Variants in OR4E2 observed in about 807,000 individuals in gnomAD.
OR4E2 encodes olfactory receptor 4E2.
OR4E2 carries 9 observed loss-of-function variants against 11.0 expected under a neutral mutation model. The observed-to-expected ratio is 0.82, with a 90% CI of 0.49 to 1.43. The LOEUF (loss-of-function observed/expected upper bound fraction) is 1.43. OR4E2 is among the 40% of genes most tolerant of loss of function. OR4E2 has a pLI of 0.00. For missense variants in OR4E2, 441 were observed against 382.0 expected, an observed-to-expected ratio of 1.15 and a Z score of -1.29; for synonymous variants, 159 against 147.3, an observed-to-expected ratio of 1.08 and a Z score of -0.57.
rs765806561 is a variant in OR4E2, at chr14:21,665,485, G to A, written c.403G>A (p.Val135Met). 4.3e-6 allele frequency: 7 copies of A among 1,614,026 alleles called. No homozygotes were observed. Among genetic ancestry groups the A allele is most frequent in the Non-Finnish European group, 5.9e-6 (7 of 1,180,046 alleles). The change falls in exon 4 of 4, where the codon GTG becomes ATG. Residue 135 changes from valine (V) to methionine (M), a missense_variant. By Grantham distance (21) the Val-to-Met change is conservative. Coordinates refer to ENST00000641524, the MANE Select transcript of OR4E2 (RefSeq NM_001001912.3). ...AICTPLHYPN[V>M]MNMRVCIQLV... The stretch of plus-strand genomic sequence containing the variant: ...CTGCACTCCACTCCACTACCCCAAT[G>A]TGATGAACATGAGAGTCTGTATACA...
At position 21,665,405 on chromosome 14, in the gene OR4E2, C is replaced by T. The variant is rs888475547; in HGVS notation, c.323C>T (p.Ala108Val). The T allele has an allele frequency of 6.2e-6, 10 of 1,613,994 alleles. No homozygotes were observed. In the African/African-American group the frequency reaches 9.3e-5, roughly 15 times the overall value. ...ITQLFFLHLF[A>V]CAEIFLLIIM... is the part of the protein sequence containing the mutation. ...CAGCTCTTCTTCCTACATCTCTTTG[C>T]CTGTGCCGAGATCTTTCTGCTGATC... Residue 108 changes from alanine (A) to valine (V), a missense_variant, in exon 4 of 4, where the codon GCC becomes GTC. By Grantham distance (64) the Ala-to-Val change is moderately conservative. Transcript: ENST00000641524.
Position 21,665,914 on chromosome 14 carries a change from G to A in OR4E2, c.832G>A (p.Val278Ile), listed in dbSNP as rs763815002. Residue 278 changes from valine (V) to isoleucine (I), a missense_variant, in exon 4 of 4, where the codon GTC (valine) becomes ATC (isoleucine). By Grantham distance (29) the Val-to-Ile change is conservative. Transcript: ENST00000641524. ...GGTGGTGTCTGTCTTCTACACAGTG[G>A]TCACCCCTTTGCTGAATCCCTTCAT... Reference protein sequence around the residue: ...DKVVSVFYTVVTPLLNPFIYT... With the variant: ...DKVVSVFYTVITPLLNPFIYT... 1.1e-5 allele frequency: 17 copies of A among 1,612,890 alleles called. No individual in the cohort carries two copies. The highest frequency in any genetic ancestry group is 1.4e-5 in the Non-Finnish European group (17 of 1,179,606).
chr14:21,663,987 T>C (rs1175674339), intron 3 of OR4E2, among the ~76,000 whole-genome samples: 1 of 152,268 alleles, frequency 6.6e-6, no homozygotes, highest in African/African-American at 2.4e-5. Flanking sequence ...CACATTTTCT[T>C]TATTCATTCT....
rs12717305 is a variant in OR4E2, at chr14:21,665,202, G to A, written c.120G>A (p.Ser40=). 0.52 allele frequency: 832,154 copies of A among 1,613,280 alleles called. 217,175 individuals are homozygous for A. Among genetic ancestry groups the A allele is most frequent in the South Asian group, 0.69 (62,737 of 91,056 alleles). ...CAGCCATTTATATGCTAACGCTTTC[G>A]GGGAACATTCTCATCATCATTGCCA... The part of the protein sequence containing the change: ...AFSAIYMLTL[S]GNILIIIATV... Residue 40 remains serine (S), a synonymous_variant, in exon 4 of 4, where the codon TCG becomes TCA. Coordinates refer to ENST00000641524, the MANE Select transcript of OR4E2 (RefSeq NM_001001912.3).
At chr14:21,663,772 T>G (rs1212264731) in intron 3 of OR4E2, among the ~76,000 whole-genome samples, 2 of 152,170 alleles carry the variant, frequency 1.3e-5, no homozygotes, top group Non-Finnish European at 2.9e-5. Context: ...CGTCAGGTAT[T>G]AAGCCCAGAC....
At chr14:21,657,440 T>TTTCCTTCCTTCCTTCCTTCC (rs555201549) in intron 2 of OR4E2, among the ~76,000 whole-genome samples, 9 of 76,286 alleles carry the variant, frequency 1.2e-4, no homozygotes, top group Admixed American at 1.1e-3. Context: ...TTCTTCTTTC[T>TTTCCTTCCTTCCTTCCTTCC]TTCCTTCCTT....
intron 1 of OR4E2, among the ~76,000 whole-genome samples, chr14:21,654,263 T>C (rs1471917719): frequency 1.3e-5 from 2 of 152,124 alleles, no homozygotes; most frequent in Non-Finnish European, 2.9e-5. Context: ...GTGGTCTTCC[T>C]AAACTTCACC....
At position 21,665,943 on chromosome 14, in the gene OR4E2, C is replaced by T. The variant is rs368875270; in HGVS notation, c.861C>T (p.Tyr287=). Residue 287 remains tyrosine (Y), a synonymous_variant, in exon 4 of 4, where the codon TAC becomes TAT. Transcript: ENST00000641524. The part of the protein sequence containing the change: ...VVTPLLNPFI[Y]TLRNEEVKSA... ...CCCCTTTGCTGAATCCCTTCATTTACACCTTGAGGAATGAGGAGGTAAAAA... is the reference window on the plus strand; with the variant it reads ...CCCCTTTGCTGAATCCCTTCATTTATACCTTGAGGAATGAGGAGGTAAAAA... 5.0e-6 allele frequency: 8 copies of T among 1,613,820 alleles called. No homozygotes were observed. In the African/African-American group the frequency reaches 5.3e-5, roughly 11 times the overall value.
intron 2 of OR4E2, among the ~76,000 whole-genome samples, chr14:21,657,446 TCC>T: frequency 1.4e-4 from 2 of 13,820 alleles, no homozygotes; most frequent in African/African-American, 6.8e-4. Flanking sequence ...TTTCTTTCCT[TCC>T]TTCCTTCCTT....
At chr14:21,662,840 CAT>C (rs1335318365) in intron 3 of OR4E2, among the ~76,000 whole-genome samples, 1 of 151,886 alleles carries the variant, frequency 6.6e-6, no homozygotes, top group Non-Finnish European at 1.5e-5. Flanking sequence ...TAGCTTTTTT[CAT>C]AGTTTGAATG....
intron 3 of OR4E2, among the ~76,000 whole-genome samples, chr14:21,663,063 T>C (rs1880422950): frequency 6.6e-6 from 1 of 152,202 alleles, no homozygotes; most frequent in South Asian, 2.1e-4. Context: ...AAGGCTTGAG[T>C]TCTTTTTCAG....
intron 2 of OR4E2, among the ~76,000 whole-genome samples, chr14:21,657,500 CTTCCTTCT>C (rs1357743180): frequency 1.5e-4 from 10 of 64,718 alleles, no homozygotes; most frequent in African/African-American, 4.5e-4. Flanking sequence ...TCCTTCCTTC[CTTCCTTCT>C]TTCTTTGTTT....
rs187676161 is a variant in OR4E2 at position 21,661,737 on chromosome 14, T to C, written c.-9+991T>C. On this transcript the variant is annotated intron_variant, in intron 3 of 3. Coordinates refer to ENST00000641524, the MANE Select transcript of OR4E2 (RefSeq NM_001001912.3). ...TTATTATTCTTAATAGCTCATAATA[T>C]TCCATACTGTGGCTGTACTAAAATG... Among the ~76,000 whole-genome samples the C allele has an allele frequency of 6.2e-4, 95 of 152,370 alleles. 1 individual carries two copies. In the East Asian group the frequency reaches 0.015, roughly 24 times the overall value.
In OR4E2 at chr14:21,665,171, C is replaced by A; in HGVS notation, c.89C>A (p.Ala30Glu). ...GTGCTGGAAATGCTGTTTTTCATGG[C>A]ATTCTCAGCCATTTATATGCTAACG... ...NRVLEMLFFMAFSAIYMLTLS... is the reference protein window; with the variant it reads ...NRVLEMLFFMEFSAIYMLTLS... Residue 30 changes from alanine to glutamate, a missense_variant, in exon 4 of 4, where the codon GCA becomes GAA. Ala to Glu is a moderately radical substitution (Grantham distance 107, BLOSUM62 -1). Transcript: ENST00000641524. 6.2e-7 allele frequency: 1 copy of A among 1,613,762 alleles called. No homozygotes were observed. The highest frequency in any genetic ancestry group is 1.1e-5 in the South Asian group (1 of 91,064).
Position 21,665,297 on chromosome 14 carries a change from G to A in OR4E2, c.215G>A (p.Cys72Tyr), listed in dbSNP as rs746733711. 1 of 1,614,002 alleles carries A rather than the reference G, an allele frequency of 6.2e-7. No homozygotes were observed. Among genetic ancestry groups the A allele is most frequent in the African/African-American group, 1.3e-5 (1 of 75,006 alleles). Residue 72 changes from cysteine to tyrosine, a missense_variant, in exon 4 of 4, where the codon TGC (cysteine) becomes TAC (tyrosine). Physicochemically the swap from Cys to Tyr is radical, Grantham distance 194. Transcript: ENST00000641524. ...AGCAATCTGTCCTTTATTGACATCT[G>A]CCACTCATCTGTCACTGTGCCTAAG... is the stretch of plus-strand genomic sequence containing the variant. ...FLSNLSFIDI[C>Y]HSSVTVPKML...
rs1375020695 is a variant in OR4E2, at chr14:21,665,059, T to C, written c.-8-16T>C. On this transcript the variant is annotated splice_polypyrimidine_tract_variant and intron_variant, in intron 3 of 3. Transcript: ENST00000641524. ...AATAATAAAACTAAATTAGCTTTCATTTTTTCCCCCCTAAGCTCATTGAAT... is the reference window on the plus strand; with the variant it reads ...AATAATAAAACTAAATTAGCTTTCACTTTTTCCCCCCTAAGCTCATTGAAT... 6 of 1,351,676 alleles carry C rather than the reference T, an allele frequency of 4.4e-6. No homozygotes were observed. Among genetic ancestry groups the C allele is most frequent in the Non-Finnish European group, 6.1e-6 (6 of 976,994 alleles). The allele number at this position is 1,351,676 out of a possible 1,614,324, so 83.7% of individuals were successfully genotyped here.
chr14:21,663,650 G>C (rs1189024302), intron 3 of OR4E2, among the ~76,000 whole-genome samples: 3 of 152,170 alleles, frequency 2.0e-5, no homozygotes. Flanking sequence ...CAAAGACAAA[G>C]TGAAGGATGA....
chr14:21,657,337 GCTTCCTTCCTTCCTTCCTTCCTTC>G lies in OR4E2; in HGVS notation c.-103+776_-103+799del, dbSNP rs544921356. Among the ~76,000 whole-genome samples, 221 of 112,492 alleles carry G rather than the reference GCTTCCTTCCTTCCTTCCTTCCTTC, an allele frequency of 2.0e-3. 2 individuals carry two copies. Among genetic ancestry groups the G allele is most frequent in the African/African-American group, 7.3e-3 (215 of 29,448 alleles). The allele number at this position is 112,492 out of a possible 152,430, so 73.8% of individuals were successfully genotyped here. A position where few individuals can be genotyped will look rare whatever the true frequency, so the allele number is the denominator to read the frequency against. On this transcript the variant is annotated intron_variant, in intron 2 of 3. Coordinates refer to ENST00000641524, the MANE Select transcript of OR4E2 (RefSeq NM_001001912.3). ...AATGTATGGAGTTGTGATGTTAAATGCTTCCTTCCTTCCTTCCTTCCTTCCTTCCTTCCTTCCTTCCTTCCTTCC... is the reference window on the plus strand; with the variant it reads ...AATGTATGGAGTTGTGATGTTAAATGCTTCCTTCCTTCCTTCCTTCCTTCC...
chr14:21,654,482 T>G (rs1261910464), intron 1 of OR4E2, among the ~76,000 whole-genome samples: 2 of 151,212 alleles, frequency 1.3e-5, no homozygotes, highest in African/African-American at 4.9e-5. Context: ...CACACACGCA[T>G]GCACACACAC....
Sources: allele counts gnomAD v4.1 joint callset (sites outside exome capture counted in the v4.1 genomes callset), GRCh38; gene constraint gnomAD v4.1.1; transcripts MANE v1.5; gene names NCBI Gene and HGNC (gene_info 2026-07-23, HGNC 2026-07-21).